Variants in FUBP1 observed in about 807,000 individuals in gnomAD.
The protein encoded by FUBP1 is far upstream element-binding protein 1.
In FUBP1, 16 loss-of-function variants were observed where a neutral mutation model predicts 94.9. The ratio of observed to expected loss-of-function variants is 0.17; its 90% CI spans 0.11 to 0.26. FUBP1 has a LOEUF of 0.26. Ranked by LOEUF, FUBP1 falls within the 10% of genes least tolerant of loss-of-function variation. The pLI is 1.00. For missense variants in FUBP1, 583 were observed against 808.6 expected, an observed-to-expected ratio of 0.72 and a Z score of 3.38; for synonymous variants, 279 against 254.9, an observed-to-expected ratio of 1.09 and a Z score of -0.90.
chr1:77,964,503 C>T (rs967556277), intron 10 of FUBP1, 143 bp downstream of exon 10: 6 of 664,772 alleles, frequency 9.0e-6, no homozygotes, highest in East Asian at 2.7e-5. Flanking sequence ...AATAGGGTAA[C>T]AAGATATATA....
rs1260406141 is a variant in FUBP1, at chr1:77,947,673, G to C, written c.*1093C>G. 1.5e-6 allele frequency: 1 copy of C among 662,312 alleles called. No individual in the cohort carries two copies. The highest frequency in any genetic ancestry group is 2.3e-5 in the Admixed American group (1 of 44,002). The allele number at this position is 662,312 out of a possible 1,614,324, so 41.0% of individuals were successfully genotyped here. On this transcript the variant is annotated 3_prime_UTR_variant, in exon 20 of 20. Coordinates refer to ENST00000370768, the MANE Select transcript of FUBP1 (RefSeq NM_003902.5). ...ATTTCAACAAAATATCAGAACTTCAGCATGAGTGTTAAAGAGTAATAAAAT... is the reference window on the plus strand; with the variant it reads ...ATTTCAACAAAATATCAGAACTTCACCATGAGTGTTAAAGAGTAATAAAAT...
At chr1:77,964,015 A>G (rs775262804) in intron 12 of FUBP1, 47 bp downstream of exon 12, 1 of 1,099,322 alleles carries the variant, frequency 9.1e-7, no homozygotes, top group Non-Finnish European at 1.4e-6. Context: ...GAAGGAAAAT[A>G]CTTTTCCATA....
chr1:77,979,180 G>C (rs1659365667), upstream of FUBP1: 1 of 642,490 alleles, frequency 1.6e-6, no homozygotes, highest in Admixed American at 3.0e-5. Flanking sequence ...GCAACGCGCT[G>C]GTGTGGGTTA....
chr1:77,964,598 A>G (rs780338361), intron 10 of FUBP1, 48 bp downstream of exon 10: 2 of 1,016,786 alleles, frequency 2.0e-6, no homozygotes, highest in Admixed American at 1.8e-5. Flanking sequence ...ACACTATTAT[A>G]TTTATGAATT....
chr1:77,955,001 T>C (rs922771604), intron 18 of FUBP1, among the ~76,000 whole-genome samples: 1 of 152,212 alleles, frequency 6.6e-6, no homozygotes, highest in African/African-American at 2.4e-5. Flanking sequence ...TAACTGTCAT[T>C]GTCAAAAGTA....
intron 14 of FUBP1, among the ~76,000 whole-genome samples, chr1:77,962,276 T>C (rs1002270729): frequency 6.6e-6 from 1 of 152,202 alleles, no homozygotes; most frequent in Non-Finnish European, 1.5e-5. Flanking sequence ...TGTCTCTGTA[T>C]ATTATGTGTA....
chr1:77,947,337 A>C lies in FUBP1; in HGVS notation c.*1429T>G, dbSNP rs540298951. On this transcript the variant is annotated 3_prime_UTR_variant, in exon 20 of 20. Coordinates refer to ENST00000370768, the MANE Select transcript of FUBP1 (RefSeq NM_003902.5). ...TAAGAGGCAGTTATGGTTTTCCAAG[A>C]TATCAGCACTGTATTCCAACATAAT... 1 of 383,130 alleles carries C rather than the reference A, an allele frequency of 2.6e-6. No individual in the cohort carries two copies. Among genetic ancestry groups the C allele is most frequent in the African/African-American group, 2.0e-5 (1 of 49,426 alleles). 23.7% of individuals were successfully genotyped at this position (383,130 alleles called of 1,614,324 possible).
At chr1:77,958,929 C>G (rs1392887687) in intron 16 of FUBP1, among the ~76,000 whole-genome samples, 1 of 152,192 alleles carries the variant, frequency 6.6e-6, no homozygotes, top group Non-Finnish European at 1.5e-5. Context: ...ATCCTGTACC[C>G]TGTGAGCCCC....
intron 16 of FUBP1, among the ~76,000 whole-genome samples, chr1:77,957,233 C>T (rs1654633711): frequency 6.6e-6 from 1 of 152,204 alleles, no homozygotes. Flanking sequence ...TTGATGTCAT[C>T]CTACTTGAAA....
intron 16 of FUBP1, among the ~76,000 whole-genome samples, chr1:77,957,107 A>C (rs1254653975): frequency 6.6e-6 from 1 of 152,236 alleles, no homozygotes; most frequent in African/African-American, 2.4e-5. Flanking sequence ...CCTGTATAAG[A>C]AAGAAAATTA....
chr1:77,958,364 A>G (rs1237644467), intron 16 of FUBP1, among the ~76,000 whole-genome samples: 2 of 152,260 alleles, frequency 1.3e-5, no homozygotes, highest in African/African-American at 4.8e-5. Context: ...CACAATTAGT[A>G]AACTGTAGGA....
At chr1:77,948,976 G>T in intron 19 of FUBP1, 179 bp downstream of exon 19, 1 of 903,440 alleles carries the variant, frequency 1.1e-6, no homozygotes, top group Non-Finnish European at 1.8e-6. Flanking sequence ...CCACTCAGAT[G>T]CTGGAAAGCA....
At chr1:77,972,004 CAAAAAAAAAAAA>C (rs60606700) in intron 1 of FUBP1, among the ~76,000 whole-genome samples, 4 of 84,146 alleles carry the variant, frequency 4.8e-5, no homozygotes, top group Admixed American at 3.8e-4. Flanking sequence ...GACTCTGTCT[CAAAAAAAAAAAA>C]AAAAAAAAGG....
Position 77,948,625 on chromosome 1 carries a change from CAAAAAAAAAA to C in FUBP1, c.*131_*140del. The C allele has an allele frequency of 1.0e-6, 1 of 974,842 alleles. No individual in the cohort carries two copies. Among genetic ancestry groups the C allele is most frequent in the Non-Finnish European group, 1.3e-6 (1 of 750,940 alleles). 60.4% of individuals were successfully genotyped at this position (974,842 alleles called of 1,614,324 possible). A position where few individuals can be genotyped will look rare whatever the true frequency, so the allele number is the denominator to read the frequency against. On this transcript the variant is annotated 3_prime_UTR_variant, in exon 20 of 20. Transcript: ENST00000370768. Reference sequence around the variant, plus strand: ...TAGTGATAGATATTTTGTACATTTTCAAAAAAAAAAAAAAAAAAGGAAACACTATTTTAAA... The same window carrying C: ...TAGTGATAGATATTTTGTACATTTTCAAAAAAAAGGAAACACTATTTTAAA...
chr1:77,959,177 T>C (rs60524459), intron 16 of FUBP1, among the ~76,000 whole-genome samples: 2,663 of 152,228 alleles, frequency 0.017, 73 homozygotes, highest in African/African-American at 0.061. Context: ...TAATTGAGTA[T>C]ATTTTCCTTG....
chr1:77,953,688 G>GT (rs772837667), intron 18 of FUBP1, among the ~76,000 whole-genome samples: 1 of 151,268 alleles, frequency 6.6e-6, no homozygotes, highest in African/African-American at 2.4e-5. Context: ...CAGGGAAATG[G>GT]TAAAAAAAAA....
rs548109827 is a variant in FUBP1, at chr1:77,971,671, GATT to G, written c.121-1659_121-1657del. On this transcript the variant is annotated intron_variant, in intron 1 of 19. Transcript: ENST00000370768. ...TAAAAATGCAAACACCTACCACAAAGATTATTAGGATCAAGTACTAGATTGCTT... is the reference window on the plus strand; with the variant it reads ...TAAAAATGCAAACACCTACCACAAAGATTAGGATCAAGTACTAGATTGCTT... 1.7e-4 allele frequency among the ~76,000 whole-genome samples: 26 copies of G among 150,526 alleles called. No individual in the cohort carries two copies. In the East Asian group the frequency reaches 5.1e-3, roughly 29 times the overall value.
At chr1:77,975,321 A>C (rs1658393637) in intron 1 of FUBP1, among the ~76,000 whole-genome samples, 1 of 152,184 alleles carries the variant, frequency 6.6e-6, no homozygotes, top group African/African-American at 2.4e-5. Context: ...CCATACCATA[A>C]CTTGCTTATC....
intron 18 of FUBP1, among the ~76,000 whole-genome samples, chr1:77,951,292 A>G (rs1342961004): frequency 5.3e-5 from 8 of 152,248 alleles, no homozygotes; most frequent in Non-Finnish European, 1.0e-4. Flanking sequence ...CAACCTCTGC[A>G]AACTCCTATA....
Sources: gnomAD v4.1 joint callset for allele counts (sites outside exome capture counted in the v4.1 genomes callset) on GRCh38, gnomAD v4.1.1 for gene constraint, MANE v1.5 for transcripts, NCBI Gene and HGNC (gene_info 2026-07-23, HGNC 2026-07-21) for gene names.